The following MYH16 variants were observed in gnomAD, a reference collection of about 807,000 sequenced individuals.
The protein encoded by MYH16 is putative uncharacterized protein MYH16.
chr7:99,250,405 C>T (rs1791795975), intron 5 of MYH16, among the ~76,000 whole-genome samples: 1 of 152,098 alleles, frequency 6.6e-6, no homozygotes, highest in South Asian at 2.1e-4. Context: ...GCCCCAGGGG[C>T]ACAAAAAGCC....
At chr7:99,269,959 C>T (rs1220881618) in intron 18 of MYH16, among the ~76,000 whole-genome samples, 6 of 151,156 alleles carry the variant, frequency 4.0e-5, no homozygotes, top group Middle Eastern at 3.5e-3. Flanking sequence ...CTGCAACCTC[C>T]GCCTCCCGGG....
intron 30 of MYH16, 116 bp downstream of exon 11, chr7:99,289,520 G>T: frequency 5.5e-6 from 1 of 182,026 alleles, no homozygotes; most frequent in Non-Finnish European, 1.2e-5. Context: ...CCCTTGTGAT[G>T]AGAGGAGGAG....
chr7:99,250,654 A>T (rs1282356557), intron 5 of MYH16, among the ~76,000 whole-genome samples: 2 of 152,042 alleles, frequency 1.3e-5, no homozygotes, highest in Non-Finnish European at 2.9e-5. Context: ...AAGTGGGAGG[A>T]TCACCTGAGC....
intron 1 of MYH16, among the ~76,000 whole-genome samples, chr7:99,242,830 G>A (rs575022000): frequency 3.3e-4 from 50 of 152,042 alleles, no homozygotes; most frequent in Admixed American, 2.0e-3. Context: ...TCGCTATTTC[G>A]AAATCACCGC....
chr7:99,260,310 G>T, exon 12 of MYH16: 1 of 1,448,138 alleles, frequency 6.9e-7, no homozygotes, highest in Non-Finnish European at 9.6e-7. Context: ...TCGACCTTCA[G>T]GCCTGCATCG....
At chr7:99,289,651 T>C (rs1792339732) in intron 30 of MYH16, among the ~76,000 whole-genome samples, 1 of 152,222 alleles carries the variant, frequency 6.6e-6, no homozygotes, top group African/African-American at 2.4e-5. Context: ...GGGAGAGGCA[T>C]TCATGCTGAC....
rs1184408879 is a variant in MYH16 at position 99,302,317 on chromosome 7, T to TATACACACAC, written n.5137+514_5137+515insTACACACACA. ...ACCATCTCAAAAAAAAAAAAATATA[T>TATACACACAC]ACACACACACACACACACACACACA... On this transcript the variant is annotated intron_variant and non_coding_transcript_variant, in intron 38 of 41. Coordinates refer to ENST00000439784, the Ensembl canonical transcript of MYH16. 1.9e-3 allele frequency among the ~76,000 whole-genome samples: 184 copies of TATACACACAC among 95,566 alleles called. 10 individuals are homozygous for TATACACACAC. Among genetic ancestry groups the TATACACACAC allele is most frequent in the African/African-American group, 7.8e-3 (169 of 21,688 alleles). The allele number at this position is 95,566 out of a possible 152,430, so 62.7% of individuals were successfully genotyped here.
At position 99,284,908 on chromosome 7, in the gene MYH16, G is replaced by A. The variant is rs542936258; in HGVS notation, n.3289G>A. The A allele has an allele frequency of 1.9e-3, 880 of 456,718 alleles. 7 individuals carry two copies. The highest frequency in any genetic ancestry group is 2.8e-3 in the Non-Finnish European group (634 of 226,974). The allele number at this position is 456,718 out of a possible 1,614,324, so 28.3% of individuals were successfully genotyped here. On this transcript the variant is annotated non_coding_transcript_exon_variant, in exon 26 of 42. Transcript: ENST00000439784. The stretch of plus-strand genomic sequence containing the variant: ...AGGATGAGCAGTCTCTGAATTCCAC[G>A]CTGCAGCGGAAACTGAAGGAGCACC...
At chr7:99,249,000 A>G (rs1199116673) in exon 4 of MYH16, 1 of 152,690 alleles carries the variant, frequency 6.5e-6, no homozygotes, top group Non-Finnish European at 1.5e-5. Flanking sequence ...GATCGTGAGA[A>G]TCAGTCTATG....
Position 99,284,372 on chromosome 7 carries a change from C to T in MYH16, n.3225+354C>T, listed in dbSNP as rs193298530. 2.1e-3 allele frequency among the ~76,000 whole-genome samples: 322 copies of T among 152,284 alleles called. 1 individual carries two copies. Among genetic ancestry groups the T allele is most frequent in the African/African-American group, 7.5e-3 (312 of 41,572 alleles). On this transcript the variant is annotated intron_variant and non_coding_transcript_variant, in intron 25 of 41. Coordinates refer to ENST00000439784, the Ensembl canonical transcript of MYH16. ...TTGGGATGCGAAGGCAGGAGGATGGCTTGAGGCCAGGAGCTCAAGACCAGC... is the reference window on the plus strand; with the variant it reads ...TTGGGATGCGAAGGCAGGAGGATGGTTTGAGGCCAGGAGCTCAAGACCAGC...
chr7:99,239,794 T>TC (rs959386211), intron 1 of MYH16, among the ~76,000 whole-genome samples: 9 of 152,058 alleles, frequency 5.9e-5, no homozygotes, highest in African/African-American at 2.2e-4. Flanking sequence ...CAGGGACACT[T>TC]CCCCCCAGAC....
intron 39 of MYH16, among the ~76,000 whole-genome samples, chr7:99,304,376 G>C (rs1242547908): frequency 6.6e-6 from 1 of 152,150 alleles, no homozygotes; most frequent in East Asian, 1.9e-4. Context: ...GGGATGGGAG[G>C]CATGAGCTTG....
At chr7:99,275,579 T>TG (rs1424615669) in intron 20 of MYH16, among the ~76,000 whole-genome samples, 1 of 152,262 alleles carries the variant, frequency 6.6e-6, no homozygotes, top group East Asian at 1.9e-4. Flanking sequence ...TATGCTTGAA[T>TG]GCATCTCACC....
At chr7:99,250,088 G>A (rs73709615) in intron 5 of MYH16, 2,666 of 152,786 alleles carry the variant, frequency 0.017, 73 homozygotes, top group South Asian at 0.12. Context: ...AGAGCCGACC[G>A]GGTGGGCCCA....
At position 99,283,888 on chromosome 7, in the gene MYH16, G is replaced by A. The variant is rs759656062; in HGVS notation, n.3095G>A. The A allele has an allele frequency of 2.3e-4, 103 of 456,228 alleles. 1 individual carries two copies. Among genetic ancestry groups the A allele is most frequent in the South Asian group, 1.5e-3 (98 of 64,486 alleles). 28.3% of individuals were successfully genotyped at this position (456,228 alleles called of 1,614,324 possible). A position where few individuals can be genotyped will look rare whatever the true frequency, so the allele number is the denominator to read the frequency against. ...GTCTCTGTAGCTGGAGGATAACTGGGAGCAGGAAAAGAAAATCCGGGCGGA... is the reference window on the plus strand; with the variant it reads ...GTCTCTGTAGCTGGAGGATAACTGGAAGCAGGAAAAGAAAATCCGGGCGGA... On this transcript the variant is annotated non_coding_transcript_exon_variant, in exon 25 of 42. Coordinates refer to ENST00000439784, the Ensembl canonical transcript of MYH16.
intron 18 of MYH16, among the ~76,000 whole-genome samples, chr7:99,270,624 A>AT (rs1562778430): frequency 1.3e-5 from 2 of 151,490 alleles, no homozygotes; most frequent in Admixed American, 6.6e-5. Flanking sequence ...GCCGAAAAAA[A>AT]TTTTTTTAAT....
intron 19 of MYH16, among the ~76,000 whole-genome samples, chr7:99,271,592 A>G (rs1001741562): frequency 6.6e-6 from 1 of 152,248 alleles, no homozygotes. Context: ...AGGAATTTTT[A>G]AAAATTTTTT....
At chr7:99,243,195 C>A (rs895895545) in intron 1 of MYH16, 1 of 152,776 alleles carries the variant, frequency 6.5e-6, no homozygotes, top group African/African-American at 2.4e-5. Context: ...TCTCCTGGGA[C>A]TCCAGAGGGT....
intron 17 of MYH16, among the ~76,000 whole-genome samples, chr7:99,266,138 C>T (rs1195878459): frequency 2.0e-5 from 3 of 152,158 alleles, no homozygotes; most frequent in Non-Finnish European, 2.9e-5. Flanking sequence ...AAAAAAACCC[C>T]GATTGCTAGT....
Sources: allele counts gnomAD v4.1 joint callset (sites outside exome capture counted in the v4.1 genomes callset), GRCh38; gene constraint gnomAD v4.1.1; transcripts MANE v1.5; gene names NCBI Gene and HGNC (gene_info 2026-07-23, HGNC 2026-07-21).